TENM2: variants seen among roughly 807,000 people sequenced by gnomAD.
TENM2 encodes teneurin-2.
Under a neutral mutation model 245.2 loss-of-function variants are expected in TENM2, and 52 were observed. The observed-to-expected ratio is 0.21, with a 90% CI of 0.17 to 0.27. The LOEUF is 0.27. Among genes scored for constraint, TENM2 ranks in the 10% least tolerant of loss-of-function variants. TENM2 has a pLI of 1.00. For missense variants in TENM2, 3,046 were observed against 3,666.8 expected (o/e 0.83, Z 4.37); for synonymous variants, 1,363 against 1,438.9 (o/e 0.95, Z 1.19).
intron 4 of TENM2, among the ~76,000 whole-genome samples, chr5:167,978,089 G>A (rs1462984642): frequency 1.4e-4 from 21 of 152,158 alleles, no homozygotes; most frequent in African/African-American, 4.6e-4. Context: ...TGCCATGATT[G>A]GAAGCTTCCT....
At chr5:167,647,290 T>A (rs75541322) in intron 2 of TENM2, among the ~76,000 whole-genome samples, 41 of 152,232 alleles carry the variant, frequency 2.7e-4, no homozygotes, top group Non-Finnish European at 5.4e-4. Context: ...ACAGAGACTG[T>A]TGAGAACGAT....
Position 167,544,957 on chromosome 5 carries a change from G to A in TENM2, c.502+169484G>A, listed in dbSNP as rs142626158. ...GGCTTGTTTTTTTTAATATAGCAGC[G>A]TCCAAATACATAGTTCACTGTCCCT... On this transcript the variant is annotated intron_variant, in intron 2 of 28. Transcript: ENST00000518659. Among the ~76,000 whole-genome samples, 361 of 152,162 alleles carry A rather than the reference G, an allele frequency of 2.4e-3. 1 individual carries two copies. The highest frequency in any genetic ancestry group is 8.2e-3 in the African/African-American group (340 of 41,530).
chr5:167,358,176 A>G (rs776110291), intron 1 of TENM2, among the ~76,000 whole-genome samples: 4 of 152,166 alleles, frequency 2.6e-5, no homozygotes, highest in Non-Finnish European at 5.9e-5. Flanking sequence ...TTTGCAGCCA[A>G]TCTCAGAAGA....
intron 1 of TENM2, among the ~76,000 whole-genome samples, chr5:167,305,774 G>C (rs1755640405): frequency 6.6e-6 from 1 of 152,132 alleles, no homozygotes; most frequent in Admixed American, 6.5e-5. Flanking sequence ...GTTTTGTTTT[G>C]TTAATGATAA....
intron 2 of TENM2, among the ~76,000 whole-genome samples, chr5:167,380,695 G>A (rs928443053): frequency 6.6e-6 from 1 of 152,064 alleles, no homozygotes; most frequent in Non-Finnish European, 1.5e-5. Flanking sequence ...TAATCTCCAG[G>A]CCTTCAGGGA....
At chr5:167,449,547 GATA>G (rs1765445047) in intron 2 of TENM2, among the ~76,000 whole-genome samples, 2 of 151,208 alleles carry the variant, frequency 1.3e-5, no homozygotes, top group African/African-American at 4.9e-5. Context: ...TAGATAGATA[GATA>G]GATAGATAGA....
intron 12 of TENM2, among the ~76,000 whole-genome samples, chr5:168,140,732 C>T (rs757929409): frequency 1.5e-4 from 23 of 152,166 alleles, no homozygotes; most frequent in Non-Finnish European, 2.8e-4. Context: ...ATTTTGCTAA[C>T]GGTGCCTAAT....
intron 2 of TENM2, among the ~76,000 whole-genome samples, chr5:167,550,440 G>C (rs1275559716): frequency 6.6e-6 from 1 of 152,076 alleles, no homozygotes; most frequent in Non-Finnish European, 1.5e-5. Context: ...AATCACTTTC[G>C]ACTTTGGTTA....
chr5:167,171,428 G>T, the TENM2 span, among the ~76,000 whole-genome samples: 1 of 152,252 alleles, frequency 6.6e-6, no homozygotes, highest in Admixed American at 6.5e-5. Context: ...GGGGCCCAAC[G>T]GGAAACAGAG....
intron 3 of TENM2, among the ~76,000 whole-genome samples, chr5:167,880,962 C>T (rs755227293): frequency 2.0e-5 from 3 of 152,182 alleles, no homozygotes; most frequent in East Asian, 1.9e-4. Context: ...GTTACAGATT[C>T]GTCCTGACAG....
the TENM2 span, among the ~76,000 whole-genome samples, chr5:167,185,659 A>G: frequency 6.6e-6 from 1 of 152,204 alleles, no homozygotes; most frequent in African/African-American, 2.4e-5. Flanking sequence ...ATAGAACCAC[A>G]CAATGGTGAC....
At chr5:167,880,021 A>G (rs183449363) in intron 3 of TENM2, among the ~76,000 whole-genome samples, 1 of 152,268 alleles carries the variant, frequency 6.6e-6, no homozygotes, top group East Asian at 1.9e-4. Flanking sequence ...CCCTCATAAT[A>G]TGTAACAGCT....
chr5:167,457,282 T>TTTTTATTTTA (rs71591185), intron 2 of TENM2, among the ~76,000 whole-genome samples: 1,847 of 129,966 alleles, frequency 0.014, 35 homozygotes, highest in East Asian at 0.052. Context: ...ACTGACCTGC[T>TTTTTATTTTA]TTTTATTTTA....
intron 1 of TENM2, among the ~76,000 whole-genome samples, chr5:167,322,213 G>T (rs1581741061): frequency 2.1e-5 from 3 of 146,172 alleles, no homozygotes; most frequent in South Asian, 2.2e-4. Flanking sequence ...AAAAATATTT[G>T]TTTTTTTTTT....
At chr5:167,864,637 A>G (rs1422605087) in intron 2 of TENM2, among the ~76,000 whole-genome samples, 1 of 152,224 alleles carries the variant, frequency 6.6e-6, no homozygotes, top group Non-Finnish European at 1.5e-5. Flanking sequence ...TTGTTATTAT[A>G]AAACCTAATT....
At chr5:167,167,096 A>G in the TENM2 span, among the ~76,000 whole-genome samples, 1 of 152,154 alleles carries the variant, frequency 6.6e-6, no homozygotes, top group South Asian at 2.1e-4. Flanking sequence ...CAGAGTTAAC[A>G]TCTAGGGAGG....
At chr5:168,057,720 T>A (rs1789672712) in intron 6 of TENM2, among the ~76,000 whole-genome samples, 1 of 152,236 alleles carries the variant, frequency 6.6e-6, no homozygotes, top group African/African-American at 2.4e-5. Context: ...CATTTGCTCA[T>A]GACTCTTCAA....
chr5:167,276,231 A>G, the TENM2 span, among the ~76,000 whole-genome samples: 11 of 152,042 alleles, frequency 7.2e-5, no homozygotes, highest in African/African-American at 2.6e-4. Flanking sequence ...AAGTAGCTTC[A>G]TAAAATAATT....
At chr5:167,050,425 T>G in the TENM2 span, among the ~76,000 whole-genome samples, 1 of 152,082 alleles carries the variant, frequency 6.6e-6, no homozygotes, top group African/African-American at 2.4e-5. Flanking sequence ...GAAAAAAAAT[T>G]TCTCCCATGA....
Sources: allele counts gnomAD v4.1 joint callset (sites outside exome capture counted in the v4.1 genomes callset), GRCh38; gene constraint gnomAD v4.1.1; transcripts MANE v1.5; gene names NCBI Gene and HGNC (gene_info 2026-07-23, HGNC 2026-07-21).